Variants in ATXN10 observed in about 807,000 individuals in gnomAD.
ATXN10 encodes ataxin 10, also known as ataxin-10.
A neutral mutation model predicts 52.9 loss-of-function variants in ATXN10; 28 were observed. The observed-to-expected ratio is 0.53, with a 90% CI of 0.39 to 0.73. The LOEUF is 0.73. ATXN10 is among the 30% of genes least tolerant of loss of function. ATXN10 has a pLI of 0.00. For synonymous variants in ATXN10, 226 were observed against 221.5 expected (o/e 1.02, Z -0.18); for missense variants, 565 against 577.0 (o/e 0.98, Z 0.21).
At position 45,775,334 on chromosome 22, in the gene ATXN10, C is replaced by T. The variant is rs1926913228; in HGVS notation, c.1174-31625C>T. 6.6e-6 allele frequency among the ~76,000 whole-genome samples: 1 copy of T among 152,194 alleles called. No homozygotes were observed. Among genetic ancestry groups the T allele is most frequent in the Non-Finnish European group, 1.5e-5 (1 of 68,044 alleles). On this transcript the variant is annotated intron_variant, in intron 9 of 11. Coordinates refer to ENST00000252934, the MANE Select transcript of ATXN10 (RefSeq NM_013236.4). The surrounding 1 kb of genome is among the most constrained non-coding windows in gnomAD (Gnocchi z 4.7). ...CATAGGGCCTGTTAGCTGAGGTGCA[C>T]CCTCTCTTAAGTGGCTTCATGGAGA... is the stretch of plus-strand genomic sequence containing the variant.
chr22:45,798,937 A>G (rs564956844), intron 9 of ATXN10, among the ~76,000 whole-genome samples: 15 of 152,354 alleles, frequency 9.8e-5, no homozygotes, highest in African/African-American at 3.4e-4. Context: ...TGCAAGACCT[A>G]TACTCTGAAA....
chr22:45,768,229 A>G (rs1171421008), intron 9 of ATXN10, among the ~76,000 whole-genome samples: 1 of 151,942 alleles, frequency 6.6e-6, no homozygotes, highest in Non-Finnish European at 1.5e-5. Context: ...CTCCTTGGAG[A>G]TATGGCTGGT....
rs1303939710 is a variant in ATXN10, at chr22:45,763,207, G to T, written c.1173+22669G>T. Among the ~76,000 whole-genome samples the T allele has an allele frequency of 2.0e-5, 3 of 152,286 alleles. No homozygotes were observed. The highest frequency in any genetic ancestry group is 3.9e-4 in the East Asian group (2 of 5,168). On this transcript the variant is annotated intron_variant, in intron 9 of 11. Transcript: ENST00000252934. The surrounding 1 kb of genome is among the most constrained non-coding windows in gnomAD (Gnocchi z 6.9). ...AGGGCTGCCGGGCAGTGTTCTGGGG[G>T]CAGGGAGGTGGTGGGAGAATCTGGA...
At chr22:45,742,006 C>T (rs560931670) in intron 9 of ATXN10, among the ~76,000 whole-genome samples, 5 of 152,254 alleles carry the variant, frequency 3.3e-5, no homozygotes, top group Admixed American at 2.6e-4. Flanking sequence ...AAGTAGAAAA[C>T]AGACCCCAAA....
rs1451222109 is a variant in ATXN10, at chr22:45,671,908, A to G, written c.-156A>G. The G allele has an allele frequency of 4.0e-5, 31 of 782,160 alleles. No homozygotes were observed. Among genetic ancestry groups the G allele is most frequent in the Non-Finnish European group, 5.6e-5 (29 of 514,718 alleles). The allele number at this position is 782,160 out of a possible 1,614,324, so 48.5% of individuals were successfully genotyped here. A position where few individuals can be genotyped will look rare whatever the true frequency, so the allele number is the denominator to read the frequency against. ...TCCGGCGGCGGCGCAGCTTCAGGGC[A>G]GCGCGGGCTGCAGCGGCGGCGGCGG... On this transcript the variant is annotated 5_prime_UTR_variant, in exon 1 of 12. Transcript: ENST00000252934.
rs903671800 is a variant in ATXN10 at position 45,690,491 on chromosome 22, T to C, written c.308+588T>C. On this transcript the variant is annotated intron_variant, in intron 2 of 11. Transcript: ENST00000252934. This position sits in a 1 kb window ranked among gnomAD's most constrained non-coding sequence, Gnocchi z 4.5. ...TTTTGAGGTATTTGGTTCTTCATAG[T>C]GTTTTGAAGCTGATTTTGAGTCTTT... Among the ~76,000 whole-genome samples the C allele has an allele frequency of 6.6e-6, 1 of 152,214 alleles. No homozygotes were observed. The highest frequency in any genetic ancestry group is 2.4e-5 in the African/African-American group (1 of 41,448).
chr22:45,754,115 G>A lies in ATXN10; in HGVS notation c.1173+13577G>A, dbSNP rs1404818097. ...CGCAACCTGGGTTCCTGAGCCTTATGGGGTTAAGTGCAAAAGTGAGTCCTG... is the reference window on the plus strand; with the variant it reads ...CGCAACCTGGGTTCCTGAGCCTTATAGGGTTAAGTGCAAAAGTGAGTCCTG... On this transcript the variant is annotated intron_variant, in intron 9 of 11. Transcript: ENST00000252934. This position sits in a 1 kb window ranked among gnomAD's most constrained non-coding sequence, Gnocchi z 5.4. Among the ~76,000 whole-genome samples the A allele has an allele frequency of 1.6e-5, 2 of 127,696 alleles. No homozygotes were observed. Among genetic ancestry groups the A allele is most frequent in the East Asian group, 4.3e-4 (2 of 4,662 alleles). 83.8% of individuals were successfully genotyped at this position (127,696 alleles called of 152,430 possible).
chr22:45,704,711 C>T lies in ATXN10; in HGVS notation c.647+1864C>T, dbSNP rs542768311. ...TCTTAGGATTTTTTCTGTACAGGAC[C>T]GTGCCATCTGCAAGTAGGTAATATT... On this transcript the variant is annotated intron_variant, in intron 5 of 11. Transcript: ENST00000252934. Among the ~76,000 whole-genome samples the T allele has an allele frequency of 5.3e-5, 8 of 152,116 alleles. No individual in the cohort carries two copies. In the East Asian group the frequency reaches 9.7e-4, roughly 18 times the overall value.
At position 45,844,025 on chromosome 22, in the gene ATXN10, G is replaced by C; in HGVS notation, c.*354G>C. The C allele has an allele frequency of 3.5e-6, 1 of 288,666 alleles. No homozygotes were observed. The highest frequency in any genetic ancestry group is 5.4e-5 in the South Asian group (1 of 18,558). The allele number at this position is 288,666 out of a possible 1,614,324, so 17.9% of individuals were successfully genotyped here. A position where few individuals can be genotyped will look rare whatever the true frequency, so the allele number is the denominator to read the frequency against. ...TGGCTTGACTGTGTTTGTCCCTTCA[G>C]ATGGCAAGTCAGCATCATTCTTTAT... On this transcript the variant is annotated 3_prime_UTR_variant, in exon 12 of 12. Transcript: ENST00000252934.
chr22:45,685,620 G>A (rs1601587718), intron 1 of ATXN10, among the ~76,000 whole-genome samples: 2 of 152,186 alleles, frequency 1.3e-5, no homozygotes, highest in East Asian at 3.8e-4. Context: ...GCAGACAAGA[G>A]TATACTAGGA....
rs79538761 is a variant in ATXN10 at position 45,835,903 on chromosome 22, A to C, written c.1238-7088A>C. Among the ~76,000 whole-genome samples, 1,350 of 152,338 alleles carry C rather than the reference A, an allele frequency of 8.9e-3. 11 individuals are homozygous for C. The highest frequency in any genetic ancestry group is 0.016 in the South Asian group (79 of 4,830). ...TTAATTGGTAAATTGGAGGGTATACATACTCATGATTTTAGCTTTTATTTT... is the reference window on the plus strand; with the variant it reads ...TTAATTGGTAAATTGGAGGGTATACCTACTCATGATTTTAGCTTTTATTTT... On this transcript the variant is annotated intron_variant, in intron 10 of 11. Coordinates refer to ENST00000252934, the MANE Select transcript of ATXN10 (RefSeq NM_013236.4). The surrounding 1 kb of genome is among the most constrained non-coding windows in gnomAD (Gnocchi z 5.0).
At chr22:45,797,825 G>T (rs997420056) in intron 9 of ATXN10, among the ~76,000 whole-genome samples, 1 of 152,024 alleles carries the variant, frequency 6.6e-6, no homozygotes, top group African/African-American at 2.4e-5. Context: ...TCAAGAAAAT[G>T]ACACAAAATA....
chr22:45,831,098 A>G (rs1034884565), intron 10 of ATXN10, among the ~76,000 whole-genome samples: 27 of 152,370 alleles, frequency 1.8e-4, no homozygotes, highest in African/African-American at 6.5e-4. Flanking sequence ...CACTTAGTGA[A>G]ATAAGCCAGT....
At chr22:45,814,177 G>A (rs1928381387) in intron 10 of ATXN10, among the ~76,000 whole-genome samples, 1 of 152,150 alleles carries the variant, frequency 6.6e-6, no homozygotes, top group South Asian at 2.1e-4. Flanking sequence ...GGCACACAAA[G>A]GCTAACTTAA....
chr22:45,771,135 C>G (rs922962853), intron 9 of ATXN10, among the ~76,000 whole-genome samples: 1 of 152,170 alleles, frequency 6.6e-6, no homozygotes, highest in Non-Finnish European at 1.5e-5. Context: ...ACACAAAAAC[C>G]TCTACACACA....
At position 45,671,872 on chromosome 22, in the gene ATXN10, G is replaced by T; in HGVS notation, c.-192G>T. 5.0e-6 allele frequency: 3 copies of T among 597,224 alleles called. No homozygotes were observed. The highest frequency in any genetic ancestry group is 2.1e-5 in the South Asian group (1 of 48,400). The allele number at this position is 597,224 out of a possible 1,614,324, so 37.0% of individuals were successfully genotyped here. The stretch of plus-strand genomic sequence containing the variant: ...CCCGCCTGAGGCGAGTCTGGGCTCA[G>T]CCTAGAGCTCTCCGGCGGCGGCGCA... On this transcript the variant is annotated 5_prime_UTR_variant, in exon 1 of 12. Coordinates refer to ENST00000252934, the MANE Select transcript of ATXN10 (RefSeq NM_013236.4).
chr22:45,709,753 T>C (rs1924173566), intron 5 of ATXN10, among the ~76,000 whole-genome samples: 1 of 152,250 alleles, frequency 6.6e-6, no homozygotes, highest in African/African-American at 2.4e-5. Context: ...CTTCCTATTA[T>C]GTGCTTCTAA....
chr22:45,740,344 A>G (rs1007285862), intron 8 of ATXN10, 25 bp from the exon 9 acceptor site: 1 of 1,613,348 alleles, frequency 6.2e-7, no homozygotes, highest in African/African-American at 1.3e-5. Flanking sequence ...TCTGTGGAAA[A>G]TGAAGTTTAC....
In ATXN10 at chr22:45,701,338, T is replaced by C. The variant is rs1374473740; in HGVS notation, c.488+960T>C. 6.6e-6 allele frequency among the ~76,000 whole-genome samples: 1 copy of C among 152,242 alleles called. No individual in the cohort carries two copies. The highest frequency in any genetic ancestry group is 2.4e-5 in the African/African-American group (1 of 41,470). On this transcript the variant is annotated intron_variant, in intron 4 of 11. Transcript: ENST00000252934. This position sits in a 1 kb window ranked among gnomAD's most constrained non-coding sequence, Gnocchi z 4.2. ...TAAACCCATTGCTGCCATCTGGATC[T>C]AAAGCCTATCTATGCTCATTGTAAA...
Sources: gnomAD v4.1 joint callset for allele counts (sites outside exome capture counted in the v4.1 genomes callset) on GRCh38, gnomAD v4.1.1 for gene constraint, Gnocchi (gnomAD v3.1) non-coding constraint, MANE v1.5 for transcripts, NCBI Gene and HGNC (gene_info 2026-07-23, HGNC 2026-07-21) for gene names.